CSMD1: variants seen among roughly 807,000 people sequenced by gnomAD.
The protein encoded by CSMD1 is CUB and sushi domain-containing protein 1.
CSMD1 carries 213 observed loss-of-function variants against 417.5 expected under a neutral mutation model. The ratio of observed to expected loss-of-function variants is 0.51; its 90% CI spans 0.46 to 0.57. The LOEUF (loss-of-function observed/expected upper bound fraction) is 0.57. Ranked by LOEUF, CSMD1 falls within the 20% of genes least tolerant of loss-of-function variation. CSMD1 has a pLI of 0.00. For synonymous variants in CSMD1, 2,862 were observed against 1,736.8 expected (o/e 1.65, Z -16.11); for missense variants, 6,923 against 4,529.7 (o/e 1.53, Z -15.17).
chr8:3,401,696 C>T (rs1812048458), intron 15 of CSMD1, among the ~76,000 whole-genome samples: 1 of 152,024 alleles, frequency 6.6e-6, no homozygotes, highest in South Asian at 2.1e-4. Flanking sequence ...GTTGCTATGG[C>T]AGGTGGAAAA....
intron 2 of CSMD1, among the ~76,000 whole-genome samples, chr8:4,484,980 CAAAAAAAAAAAAAAAAAAAAAAA>C (rs57398278): frequency 7.4e-5 from 4 of 53,918 alleles, no homozygotes; most frequent in African/African-American, 2.3e-4. Context: ...GACTCTGCCT[CAAAAAAAAAAAAAAAAAAAAAAA>C]AAAAAAAAAA....
chr8:4,138,063 T>A lies in CSMD1; in HGVS notation c.416-105964A>T, dbSNP rs1261728756. The stretch of plus-strand genomic sequence containing the variant: ...CGGCTAATTTTTTTTTTTTTTTTTT[T>A]TTTTTTTTTTTTTTTTTTTTTTTTG... On this transcript the variant is annotated intron_variant, in intron 3 of 69. Coordinates refer to ENST00000635120, the MANE Select transcript of CSMD1 (RefSeq NM_033225.6). Among the ~76,000 whole-genome samples the A allele has an allele frequency of 2.4e-3, 132 of 53,986 alleles. 5 individuals carry two copies. Among genetic ancestry groups the A allele is most frequent in the African/African-American group, 5.6e-3 (110 of 19,480 alleles). The allele number at this position is 53,986 out of a possible 152,430, so 35.4% of individuals were successfully genotyped here. A position where few individuals can be genotyped will look rare whatever the true frequency, so the allele number is the denominator to read the frequency against.
At chr8:3,123,743 A>C (rs1817340685) in intron 41 of CSMD1, among the ~76,000 whole-genome samples, 1 of 152,222 alleles carries the variant, frequency 6.6e-6, no homozygotes, top group Non-Finnish European at 1.5e-5. Flanking sequence ...TACAAGCCTC[A>C]ATTACCAGAA....
intron 8 of CSMD1, chr8:3,613,176 A>G (rs1801973304): frequency 5.3e-6 from 1 of 187,918 alleles, no homozygotes. Context: ...AAAATTTATA[A>G]TTTCTTGAAA....
At chr8:3,087,581 C>T (rs912347261) in intron 48 of CSMD1, among the ~76,000 whole-genome samples, 1 of 152,186 alleles carries the variant, frequency 6.6e-6, no homozygotes, top group African/African-American at 2.4e-5. Context: ...CTGGGACACA[C>T]TGGAAGAAGA....
At chr8:3,149,727 T>A (rs1819077204) in intron 40 of CSMD1, among the ~76,000 whole-genome samples, 1 of 152,192 alleles carries the variant, frequency 6.6e-6, no homozygotes, top group African/African-American at 2.4e-5. Flanking sequence ...CCACCGGCCT[T>A]CGCCTCCCAA....
chr8:4,669,129 G>A (rs1805131224), intron 1 of CSMD1, among the ~76,000 whole-genome samples: 1 of 152,134 alleles, frequency 6.6e-6, no homozygotes, highest in African/African-American at 2.4e-5. Flanking sequence ...TTTGGCATGT[G>A]TTTTCTCCCT....
intron 6 of CSMD1, among the ~76,000 whole-genome samples, chr8:3,709,108 T>A (rs1228380232): frequency 6.6e-6 from 1 of 151,894 alleles, no homozygotes; most frequent in African/African-American, 2.4e-5. Flanking sequence ...GTTAAATATG[T>A]TTCTTGATGT....
At chr8:3,137,228 T>A (rs1055743195) in intron 41 of CSMD1, among the ~76,000 whole-genome samples, 35 of 152,204 alleles carry the variant, frequency 2.3e-4, no homozygotes, top group Admixed American at 1.0e-3. Flanking sequence ...TTTTTATCCT[T>A]TAAAAGAGTT....
chr8:3,205,351 G>C (rs1585648905), intron 31 of CSMD1, among the ~76,000 whole-genome samples, 153 bp downstream of exon 31: 1 of 152,276 alleles, frequency 6.6e-6, no homozygotes. Context: ...CATTGTGCAG[G>C]ATATGTTTGG....
chr8:3,739,541 T>A (rs75076486), intron 6 of CSMD1, among the ~76,000 whole-genome samples: 3,006 of 152,142 alleles, frequency 0.02, 100 homozygotes, highest in African/African-American at 0.069. Context: ...TACACGTCAA[T>A]TGAAAAAAAG....
chr8:3,204,398 TAA>T lies in CSMD1; in HGVS notation c.4984+1104_4984+1105del, dbSNP rs60509525. On this transcript the variant is annotated intron_variant, in intron 31 of 69. Transcript: ENST00000635120. Reference sequence around the variant, plus strand: ...AGGGGAATACTGCTGAGCATTTAGGTAAAAAAAAAAAAAATTATTTCATTCAA... The same window carrying T: ...AGGGGAATACTGCTGAGCATTTAGGTAAAAAAAAAAAATTATTTCATTCAA... Among the ~76,000 whole-genome samples, 575 of 148,200 alleles carry T rather than the reference TAA, an allele frequency of 3.9e-3. 4 individuals carry two copies. The highest frequency in any genetic ancestry group is 0.013 in the South Asian group (61 of 4,690).
intron 3 of CSMD1, among the ~76,000 whole-genome samples, chr8:4,122,251 T>A (rs1026488881): frequency 6.6e-6 from 1 of 152,164 alleles, no homozygotes; most frequent in African/African-American, 2.4e-5. Context: ...TTGGTTTGAC[T>A]TCGTACATTT....
In CSMD1 at chr8:3,499,741, C is replaced by A. The variant is rs76003414; in HGVS notation, c.1345-6015G>T. Among the ~76,000 whole-genome samples the A allele has an allele frequency of 2.5e-3, 383 of 152,098 alleles. 6 individuals carry two copies. In the East Asian group the frequency reaches 0.043, roughly 17 times the overall value. On this transcript the variant is annotated intron_variant, in intron 10 of 69. Transcript: ENST00000635120. ...GGGTTCAGGTTTGTGTCACTGAGTG[C>A]AGCTGGGGTCATAGTCCTGCATCCT... is the stretch of plus-strand genomic sequence containing the variant.
chr8:3,245,238 C>T (rs1386907791), intron 26 of CSMD1, among the ~76,000 whole-genome samples: 1 of 152,112 alleles, frequency 6.6e-6, no homozygotes, highest in Non-Finnish European at 1.5e-5. Context: ...CCTCCCTGTC[C>T]ACAGCAAACA....
chr8:3,066,019 CATA>C (rs1812916404), intron 49 of CSMD1, among the ~76,000 whole-genome samples: 1 of 152,086 alleles, frequency 6.6e-6, no homozygotes, highest in Non-Finnish European at 1.5e-5. Flanking sequence ...ATGAAAAATT[CATA>C]ATAATGGGCC....
intron 3 of CSMD1, among the ~76,000 whole-genome samples, chr8:4,072,047 T>G (rs567251229): frequency 4.3e-4 from 66 of 152,272 alleles, no homozygotes; most frequent in African/African-American, 1.5e-3. Flanking sequence ...GATGTTAGGA[T>G]AGAGTTTTGG....
intron 5 of CSMD1, among the ~76,000 whole-genome samples, chr8:3,884,479 G>A (rs1032693559): frequency 5.3e-5 from 8 of 152,230 alleles, no homozygotes; most frequent in South Asian, 2.1e-4. Flanking sequence ...GCAGGGCCCC[G>A]CAGTAGCATA....
At chr8:4,136,763 C>G (rs1020273076) in intron 3 of CSMD1, among the ~76,000 whole-genome samples, 1 of 152,112 alleles carries the variant, frequency 6.6e-6, no homozygotes, top group African/African-American at 2.4e-5. Context: ...AATTATTTGA[C>G]TTTTATAATG....
Sources: gnomAD v4.1 joint callset for allele counts (sites outside exome capture counted in the v4.1 genomes callset) on GRCh38, gnomAD v4.1.1 for gene constraint, MANE v1.5 for transcripts, NCBI Gene and HGNC (gene_info 2026-07-23, HGNC 2026-07-21) for gene names.